The following MAPK8 variants were observed in gnomAD, a reference collection of about 807,000 sequenced individuals.
MAPK8 encodes JUN N-terminal kinase.
A neutral mutation model predicts 52.9 loss-of-function variants in MAPK8; 13 were observed. That is an observed-to-expected ratio of 0.25 (90% CI 0.16 to 0.39). The LOEUF (loss-of-function observed/expected upper bound fraction) is 0.39, where lower values mean the gene tolerates loss of function less well. Ranked by LOEUF, MAPK8 falls within the 10% of genes least tolerant of loss-of-function variation. MAPK8 has a pLI of 1.00. For synonymous variants in MAPK8, 191 were observed against 169.8 expected, an observed-to-expected ratio of 1.12 and a Z score of -0.97; for missense variants, 300 against 519.2, an observed-to-expected ratio of 0.58 and a Z score of 4.10.
chr10:48,360,970 T>C (rs1847465734), intron 1 of MAPK8, among the ~76,000 whole-genome samples: 1 of 152,226 alleles, frequency 6.6e-6, no homozygotes, highest in Non-Finnish European at 1.5e-5. Context: ...CACTTTGTTA[T>C]GTAATAGTTT....
chr10:48,382,194 C>G (rs1011638772), intron 1 of MAPK8, among the ~76,000 whole-genome samples: 1 of 152,158 alleles, frequency 6.6e-6, no homozygotes, highest in Non-Finnish European at 1.5e-5. Flanking sequence ...CTTCAGACAT[C>G]TAGTAGAGAA....
intron 1 of MAPK8, among the ~76,000 whole-genome samples, chr10:48,319,394 G>T (rs1353887523): frequency 6.6e-6 from 1 of 152,048 alleles, no homozygotes; most frequent in Non-Finnish European, 1.5e-5. Flanking sequence ...CTCACTAGCA[G>T]TCACTCCCCA....
intron 8 of MAPK8, 24 bp downstream of exon 8, chr10:48,426,094 T>G: frequency 1.3e-6 from 2 of 1,583,818 alleles, no homozygotes; most frequent in Non-Finnish European, 1.7e-6. Context: ...ATATGTACAT[T>G]TAATCCCATT....
intron 1 of MAPK8, among the ~76,000 whole-genome samples, chr10:48,375,761 AT>A (rs1175920169): frequency 6.6e-6 from 1 of 152,214 alleles, no homozygotes; most frequent in Non-Finnish European, 1.5e-5. Flanking sequence ...ATGGAAAAAC[AT>A]TCCATGCCCA....
At chr10:48,397,192 A>G (rs760023423) in intron 1 of MAPK8, among the ~76,000 whole-genome samples, 1 of 151,506 alleles carries the variant, frequency 6.6e-6, no homozygotes, top group Non-Finnish European at 1.5e-5. Flanking sequence ...TCTGTTGCCC[A>G]GGATAGCATG....
intron 6 of MAPK8, among the ~76,000 whole-genome samples, chr10:48,420,770 C>T (rs2043308497): frequency 6.6e-6 from 1 of 152,162 alleles, no homozygotes; most frequent in African/African-American, 2.4e-5. Context: ...ATTAAGGCCT[C>T]TGCAAAGCTG....
chr10:48,407,773 C>A (rs921813799), intron 3 of MAPK8, among the ~76,000 whole-genome samples: 3 of 152,122 alleles, frequency 2.0e-5, no homozygotes, highest in Admixed American at 1.3e-4. Context: ...CTGTCATTCC[C>A]CTACCTCCCA....
chr10:48,415,992 G>GGGCTCTTT (rs1435214696), intron 5 of MAPK8, among the ~76,000 whole-genome samples: 1 of 152,092 alleles, frequency 6.6e-6, no homozygotes, highest in African/African-American at 2.4e-5. Flanking sequence ...ATCTTGGCTT[G>GGGCTCTTT]GGCTCTTTGG....
In MAPK8 at chr10:48,370,593, C is replaced by T. The variant is rs59674613; in HGVS notation, c.-49-31019C>T. Reference sequence around the variant, plus strand: ...ATGTGCAAAGAATAAGTGACAGTAACTCAGCTTGAGAGGCAGGTCCTAAAA... The same window carrying T: ...ATGTGCAAAGAATAAGTGACAGTAATTCAGCTTGAGAGGCAGGTCCTAAAA... On this transcript the variant is annotated intron_variant, in intron 1 of 11. Transcript: ENST00000374189. 3.0e-3 allele frequency among the ~76,000 whole-genome samples: 455 copies of T among 152,174 alleles called. 4 individuals carry two copies. Among genetic ancestry groups the T allele is most frequent in the African/African-American group, 0.011 (443 of 41,532 alleles).
chr10:48,430,842 C>A, intron 10 of MAPK8: 1 of 257,396 alleles, frequency 3.9e-6, no homozygotes, highest in Non-Finnish European at 7.3e-6. Context: ...GGTTCAAGCC[C>A]TCCCTGAGAC....
intron 5 of MAPK8, among the ~76,000 whole-genome samples, chr10:48,416,323 A>T (rs1402795310): frequency 6.6e-6 from 1 of 152,138 alleles, no homozygotes; most frequent in Non-Finnish European, 1.5e-5. Flanking sequence ...GACACACATG[A>T]CTTCTGCTTA....
rs1235651044 is a variant in MAPK8, at chr10:48,437,005, T to C, written c.*1976T>C. On this transcript the variant is annotated 3_prime_UTR_variant, in exon 12 of 12. Transcript: ENST00000374189. ...TGTTGCACTTTCACAGCAGACATGC[T>C]TTCAGAAGGTTCTCATATTTTATGT... 6.6e-6 allele frequency: 1 copy of C among 152,240 alleles called. No individual in the cohort carries two copies. The highest frequency in any genetic ancestry group is 1.5e-5 in the Non-Finnish European group (1 of 68,038). 9.4% of individuals were successfully genotyped at this position (152,240 alleles called of 1,614,324 possible).
chr10:48,435,069 GT>G lies in MAPK8; in HGVS notation c.*42del. Reference sequence around the variant, plus strand: ...GGGGGGTGGGAGGGATGGGGAGTCGGTTAGTCATTGATAGAACTACTTTGAA... The same window carrying G: ...GGGGGGTGGGAGGGATGGGGAGTCGGTAGTCATTGATAGAACTACTTTGAA... On this transcript the variant is annotated 3_prime_UTR_variant, in exon 12 of 12. Transcript: ENST00000374189. 1 of 1,457,764 alleles carries G rather than the reference GT, an allele frequency of 6.9e-7. No homozygotes were observed. Among genetic ancestry groups the G allele is most frequent in the Non-Finnish European group, 9.3e-7 (1 of 1,079,504 alleles). The allele number at this position is 1,457,764 out of a possible 1,614,324, so 90.3% of individuals were successfully genotyped here. A position where few individuals can be genotyped will look rare whatever the true frequency, so the allele number is the denominator to read the frequency against.
intron 5 of MAPK8, among the ~76,000 whole-genome samples, chr10:48,410,674 A>G (rs774123090): frequency 1.3e-5 from 2 of 152,178 alleles, no homozygotes; most frequent in South Asian, 2.1e-4. Context: ...GCTGAGTCAT[A>G]TGGTGATTCT....
intron 1 of MAPK8, among the ~76,000 whole-genome samples, chr10:48,318,982 G>A (rs1842747147): frequency 6.6e-6 from 1 of 152,144 alleles, no homozygotes; most frequent in Non-Finnish European, 1.5e-5. Context: ...AGATAACCAG[G>A]GAGAGCTGGA....
intron 6 of MAPK8, among the ~76,000 whole-genome samples, chr10:48,423,047 C>T (rs951823187): frequency 2.6e-5 from 4 of 152,124 alleles, no homozygotes; most frequent in African/African-American, 9.7e-5. Context: ...TAAGGCTTTT[C>T]CTTCTAAATT....
rs73293130 is a variant in MAPK8, at chr10:48,309,556, A to G, written c.-50+2735A>G. Among the ~76,000 whole-genome samples, 450 of 152,324 alleles carry G rather than the reference A, an allele frequency of 3.0e-3. 4 individuals carry two copies. Among genetic ancestry groups the G allele is most frequent in the African/African-American group, 0.011 (438 of 41,574 alleles). Reference sequence around the variant, plus strand: ...TTGTATACAAATTAATGTGGTTATAATCTTAACTATTTGCTCCATGCCTGA... The same window carrying G: ...TTGTATACAAATTAATGTGGTTATAGTCTTAACTATTTGCTCCATGCCTGA... On this transcript the variant is annotated intron_variant, in intron 1 of 11. Transcript: ENST00000374189.
At chr10:48,429,882 C>T (rs1316498452) in intron 10 of MAPK8, 3 of 152,100 alleles carry the variant, frequency 2.0e-5, no homozygotes, top group Non-Finnish European at 4.4e-5. Context: ...CCTTGAAATT[C>T]GATGCAATAT....
At position 48,435,138 on chromosome 10, in the gene MAPK8, G is replaced by A. The variant is rs1360263611; in HGVS notation, c.*109G>A. On this transcript the variant is annotated 3_prime_UTR_variant, in exon 12 of 12. Coordinates refer to ENST00000374189, the MANE Select transcript of MAPK8 (RefSeq NM_001323329.2). ...ATTTTTGGGTGATTTTTCAAAAAAT[G>A]TAGAATTCATTTTGTAGTAAAGTAG... The A allele has an allele frequency of 4.7e-6, 4 of 856,698 alleles. No individual in the cohort carries two copies. The African/African-American group carries it at 5.1e-5, about 11-fold the overall frequency. 53.1% of individuals were successfully genotyped at this position (856,698 alleles called of 1,614,324 possible).
Sources: gnomAD v4.1 joint callset for allele counts (sites outside exome capture counted in the v4.1 genomes callset) on GRCh38, gnomAD v4.1.1 for gene constraint, MANE v1.5 for transcripts, NCBI Gene and HGNC (gene_info 2026-07-23, HGNC 2026-07-21) for gene names.